RUBCNL: variants seen among roughly 807,000 people sequenced by gnomAD.
The protein encoded by RUBCNL is rubicon like autophagy enhancer, also known as protein associated with UVRAG as autophagy enhancer.
A neutral mutation model predicts 69.5 loss-of-function variants in RUBCNL; 62 were observed. The ratio of observed to expected loss-of-function variants is 0.89; its 90% CI spans 0.73 to 1.10. The LOEUF (loss-of-function observed/expected upper bound fraction) is 1.10, where lower values mean the gene tolerates loss of function less well. Ranked by LOEUF, RUBCNL falls within the 50% of genes least tolerant of loss-of-function variation. RUBCNL has a pLI of 0.00. For missense variants in RUBCNL, 768 were observed against 798.1 expected (o/e 0.96, Z 0.45); for synonymous variants, 291 against 303.6 (o/e 0.96, Z 0.43).
intron 3 of RUBCNL, among the ~76,000 whole-genome samples, chr13:46,370,237 G>T (rs535292309): frequency 9.8e-5 from 15 of 152,318 alleles, no homozygotes; most frequent in African/African-American, 3.6e-4. Flanking sequence ...AGGACACTAA[G>T]GAGATAAAGG....
Position 46,377,949 on chromosome 13 carries a change from A to C in RUBCNL, c.-182T>G. On this transcript the variant is annotated 5_prime_UTR_variant, in exon 2 of 15. Coordinates refer to ENST00000429979, the MANE Select transcript of RUBCNL (RefSeq NM_025113.5). ...ACAGAGGAGAAAGTAATGATTGGAA[A>C]CCATCAAAGTCCATGCAGTAGTGAC... is the stretch of plus-strand genomic sequence containing the variant. The C allele has an allele frequency of 1.2e-6, 2 of 1,609,032 alleles. No homozygotes were observed. Among genetic ancestry groups the C allele is most frequent in the Non-Finnish European group, 1.7e-6 (2 of 1,178,174 alleles).
chr13:46,379,159 C>G (rs943761630), intron 1 of RUBCNL, among the ~76,000 whole-genome samples: 3 of 152,080 alleles, frequency 2.0e-5, no homozygotes, highest in African/African-American at 7.2e-5. Flanking sequence ...TCACTGTGAC[C>G]TCTGCCTCCC....
At position 46,361,486 on chromosome 13, in the gene RUBCNL, T is replaced by C. The variant is rs750785690; in HGVS notation, c.1074A>G (p.Val358=). 2.5e-5 allele frequency: 40 copies of C among 1,613,888 alleles called. No individual in the cohort carries two copies. Among genetic ancestry groups the C allele is most frequent in the Admixed American group, 1.2e-4 (7 of 59,998 alleles). Residue 358 remains valine (V), a synonymous_variant, in exon 8 of 15, where the codon GTA becomes GTG. Coordinates refer to ENST00000429979, the MANE Select transcript of RUBCNL (RefSeq NM_025113.5). ...RVFQKCWILS[V]VNSQLAGSLS... is the part of the protein sequence containing the mutation. ...GGGAACCTGCCAGCTGAGAATTAAC[T>C]ACTGACAGTATCCAGCACTTCTGGA... is the stretch of plus-strand genomic sequence containing the variant.
At chr13:46,373,325 T>C (rs2048919993) in intron 2 of RUBCNL, among the ~76,000 whole-genome samples, 1 of 152,210 alleles carries the variant, frequency 6.6e-6, no homozygotes, top group African/African-American at 2.4e-5. Flanking sequence ...TTCAACAAAG[T>C]AGGCAAAGTG....
intron 14 of RUBCNL, 106 bp from the exon 15 acceptor site, chr13:46,343,603 G>A (rs2048180396): frequency 1.7e-6 from 2 of 1,165,970 alleles, no homozygotes; most frequent in Non-Finnish European, 2.4e-6. Context: ...TGAATCCAGA[G>A]CCCAGAGTCT....
At chr13:46,365,012 C>G (rs1351541585) in intron 5 of RUBCNL, among the ~76,000 whole-genome samples, 1 of 151,928 alleles carries the variant, frequency 6.6e-6, no homozygotes, top group Non-Finnish European at 1.5e-5. Flanking sequence ...AGTTTAAAAT[C>G]TCATGAAAGG....
At chr13:46,382,830 T>C (rs185195245) in intron 1 of RUBCNL, among the ~76,000 whole-genome samples, 13 of 152,214 alleles carry the variant, frequency 8.5e-5, no homozygotes, top group Admixed American at 3.3e-4. Flanking sequence ...CCACCGCGCC[T>C]GGCCTATCCA....
At chr13:46,373,854 C>A (rs1363406412) in intron 2 of RUBCNL, among the ~76,000 whole-genome samples, 7 of 152,244 alleles carry the variant, frequency 4.6e-5, no homozygotes, top group African/African-American at 2.4e-5. Flanking sequence ...GCCTATTTGA[C>A]ATCTGTCCAG....
At chr13:46,385,109 A>G (rs1215158148) in intron 1 of RUBCNL, 2 of 183,236 alleles carry the variant, frequency 1.1e-5, no homozygotes. Context: ...AACCTCCCCC[A>G]TGAAGGATGG....
In RUBCNL at chr13:46,387,228, C is replaced by T; in HGVS notation, c.-333G>A. The T allele has an allele frequency of 1.0e-6, 1 of 985,432 alleles. No individual in the cohort carries two copies. The highest frequency in any genetic ancestry group is 1.2e-6 in the Non-Finnish European group (1 of 829,968). 61.0% of individuals were successfully genotyped at this position (985,432 alleles called of 1,614,324 possible). ...TCCGGGCAGCGTTCCGTGGCCACCG[C>T]GCTCCCGGTAACAGCAGAAAGGGGA... On this transcript the variant is annotated 5_prime_UTR_variant, in exon 1 of 15. Transcript: ENST00000429979.
intron 1 of RUBCNL, among the ~76,000 whole-genome samples, chr13:46,386,063 CCAAA>C (rs1281502780): frequency 4.6e-5 from 7 of 152,312 alleles, no homozygotes; most frequent in Admixed American, 3.3e-4. Context: ...TAACTCGGCT[CCAAA>C]CAAAGTTCTG....
In RUBCNL at chr13:46,335,280, T is replaced by G. The variant is rs1763777674; in HGVS notation, c.*8105A>C. Among the ~76,000 whole-genome samples the G allele has an allele frequency of 6.8e-6, 1 of 147,526 alleles. No homozygotes were observed. The highest frequency in any genetic ancestry group is 2.5e-5 in the African/African-American group (1 of 39,778). ...TTGTTGTTTTTTTTTTTTTTTTTTT[T>G]TTTTTAAGAGACAGGGTCTCGCTAT... On this transcript the variant is annotated 3_prime_UTR_variant, in exon 15 of 15. Coordinates refer to ENST00000429979, the MANE Select transcript of RUBCNL (RefSeq NM_025113.5).
chr13:46,365,452 C>T (rs564021470), intron 5 of RUBCNL, among the ~76,000 whole-genome samples: 17 of 152,204 alleles, frequency 1.1e-4, no homozygotes, highest in Non-Finnish European at 1.9e-4. Flanking sequence ...CAGGGAAAGA[C>T]GAGCATGCAG....
chr13:46,373,955 C>A (rs142947534), intron 2 of RUBCNL, among the ~76,000 whole-genome samples: 2 of 152,236 alleles, frequency 1.3e-5, no homozygotes, highest in Admixed American at 6.5e-5. Context: ...ATTGCCCAAG[C>A]CTGAAACTTA....
At position 46,335,488 on chromosome 13, in the gene RUBCNL, G is replaced by C. The variant is rs918732772; in HGVS notation, c.*7897C>G. 6.6e-6 allele frequency among the ~76,000 whole-genome samples: 1 copy of C among 152,112 alleles called. No individual in the cohort carries two copies. The highest frequency in any genetic ancestry group is 1.5e-5 in the Non-Finnish European group (1 of 68,020). The stretch of plus-strand genomic sequence containing the variant: ...TGCTTTATAAACATTCTGGTGTTGT[G>C]TGGAGAATGGACTATAGAGGGGCAA... On this transcript the variant is annotated 3_prime_UTR_variant, in exon 15 of 15. Coordinates refer to ENST00000429979, the MANE Select transcript of RUBCNL (RefSeq NM_025113.5).
chr13:46,362,626 G>A, intron 6 of RUBCNL, 28 bp from the exon 7 acceptor site: 1 of 1,520,416 alleles, frequency 6.6e-7, no homozygotes, highest in Non-Finnish European at 9.1e-7. Context: ...AAAGAGTGGT[G>A]AGGTCTTTTA....
upstream of RUBCNL, among the ~76,000 whole-genome samples, chr13:46,388,570 G>GAGGA (rs1185575895): frequency 6.6e-6 from 1 of 152,072 alleles, no homozygotes; most frequent in Non-Finnish European, 1.5e-5. Context: ...GGGAGGGATG[G>GAGGA]AGGAAGGAAG....
intron 5 of RUBCNL, among the ~76,000 whole-genome samples, chr13:46,367,795 C>T (rs1429687137): frequency 6.6e-6 from 1 of 152,122 alleles, no homozygotes; most frequent in African/African-American, 2.4e-5. Context: ...GCCATGTCCC[C>T]TCTGGAACAT....
chr13:46,388,726 C>T (rs1338119443), upstream of RUBCNL, among the ~76,000 whole-genome samples: 3 of 152,234 alleles, frequency 2.0e-5, no homozygotes, highest in Non-Finnish European at 4.4e-5. Context: ...GTTGCACTTT[C>T]CTGGGTTCCT....
Sources: gnomAD v4.1 joint callset for allele counts (sites outside exome capture counted in the v4.1 genomes callset) on GRCh38, gnomAD v4.1.1 for gene constraint, MANE v1.5 for transcripts, NCBI Gene and HGNC (gene_info 2026-07-23, HGNC 2026-07-21) for gene names.